Variants in LYPD6B observed in about 807,000 individuals in gnomAD.
LYPD6B encodes the protein ly6/PLAUR domain-containing protein 6B.
LYPD6B carries 17 observed loss-of-function variants against 22.8 expected under a neutral mutation model. That is an observed-to-expected ratio of 0.75 (90% CI 0.51 to 1.12). The LOEUF is 1.12. LYPD6B is among the 50% of genes most tolerant of loss of function. The probability of loss-of-function intolerance (pLI) is 0.00; values close to 1 mark genes in which losing one functional copy is unlikely to be tolerated. For synonymous variants in LYPD6B, 106 were observed against 91.6 expected (o/e 1.16, Z -0.90); for missense variants, 221 against 258.3 (o/e 0.86, Z 0.99).
intron 3 of LYPD6B, among the ~76,000 whole-genome samples, chr2:149,192,591 C>G (rs958152527): frequency 1.3e-5 from 2 of 152,056 alleles, no homozygotes; most frequent in East Asian, 3.9e-4. Flanking sequence ...CTTGGCACAG[C>G]TTGTAACCTC....
chr2:149,071,910 C>G (rs1466021822), intron 1 of LYPD6B, among the ~76,000 whole-genome samples: 1 of 152,054 alleles, frequency 6.6e-6, no homozygotes, highest in Non-Finnish European at 1.5e-5. Flanking sequence ...GGTAACATTC[C>G]TTTTCTCTCT....
chr2:149,131,345 A>G (rs1320779955), intron 2 of LYPD6B: 1 of 173,706 alleles, frequency 5.8e-6, no homozygotes. Flanking sequence ...ACTGAAGATA[A>G]GCAGCAATTT....
At chr2:149,175,126 A>G (rs1575118519) in intron 3 of LYPD6B, among the ~76,000 whole-genome samples, 1 of 150,614 alleles carries the variant, frequency 6.6e-6, no homozygotes, top group Admixed American at 6.6e-5. Context: ...ATTCTGATAA[A>G]TGCATCATTA....
intron 3 of LYPD6B, among the ~76,000 whole-genome samples, chr2:149,165,112 C>T (rs1690337923): frequency 6.6e-6 from 1 of 152,166 alleles, no homozygotes; most frequent in East Asian, 1.9e-4. Flanking sequence ...GCTGAGATGA[C>T]TCATTTCTGC....
intron 2 of LYPD6B, among the ~76,000 whole-genome samples, chr2:149,158,546 A>T (rs113329260): frequency 2.6e-3 from 393 of 152,308 alleles, no homozygotes; most frequent in African/African-American, 9.1e-3. Context: ...TAGCATTTAA[A>T]GGGTACAAAG....
chr2:149,097,760 A>G (rs1685973220), intron 1 of LYPD6B, among the ~76,000 whole-genome samples: 1 of 152,218 alleles, frequency 6.6e-6, no homozygotes, highest in South Asian at 2.1e-4. Flanking sequence ...GTAGGCAATA[A>G]AAAAATCTTA....
chr2:149,170,410 C>T (rs1293154293), intron 3 of LYPD6B, among the ~76,000 whole-genome samples: 1 of 152,172 alleles, frequency 6.6e-6, no homozygotes, highest in Non-Finnish European at 1.5e-5. Context: ...TGTCTTCTAT[C>T]ACGTCACTGT....
At chr2:149,178,080 C>T (rs1482603864) in intron 3 of LYPD6B, among the ~76,000 whole-genome samples, 1 of 151,742 alleles carries the variant, frequency 6.6e-6, no homozygotes, top group African/African-American at 2.4e-5. Flanking sequence ...TAAACAGTTC[C>T]TAATAGTTCT....
In LYPD6B at chr2:149,114,705, G is replaced by A. The variant is rs113376071; in HGVS notation, c.-66-16178G>A. Reference sequence around the variant, plus strand: ...AAGCCTTTCTGGCTTTCATTTTAACGTCAACCAGTCATTGCCAAGACTATG... The same window carrying A: ...AAGCCTTTCTGGCTTTCATTTTAACATCAACCAGTCATTGCCAAGACTATG... On this transcript the variant is annotated intron_variant, in intron 1 of 6. Coordinates refer to ENST00000409642, the MANE Select transcript of LYPD6B (RefSeq NM_177964.5). Among the ~76,000 whole-genome samples the A allele has an allele frequency of 3.4e-3, 517 of 152,246 alleles. 3 individuals are homozygous for A. The highest frequency in any genetic ancestry group is 0.012 in the African/African-American group (498 of 41,548).
chr2:149,060,114 T>C (rs533539107), intron 1 of LYPD6B, among the ~76,000 whole-genome samples: 1 of 152,248 alleles, frequency 6.6e-6, no homozygotes, highest in South Asian at 2.1e-4. Flanking sequence ...TTACTAGTGC[T>C]GGTCAGGTCA....
intron 1 of LYPD6B, among the ~76,000 whole-genome samples, chr2:149,092,170 G>T (rs1204271854): frequency 2.0e-5 from 3 of 152,066 alleles, no homozygotes; most frequent in Non-Finnish European, 2.9e-5. Context: ...AATGGGGATT[G>T]GTGGTTGTGA....
intron 2 of LYPD6B, among the ~76,000 whole-genome samples, chr2:149,149,363 T>G (rs541364195): frequency 6.6e-6 from 1 of 152,290 alleles, no homozygotes; most frequent in Non-Finnish European, 1.5e-5. Flanking sequence ...ATGCTATTTT[T>G]CTTTCATTCA....
intron 1 of LYPD6B, among the ~76,000 whole-genome samples, chr2:149,049,414 C>G (rs528811811): frequency 6.6e-6 from 1 of 152,324 alleles, no homozygotes; most frequent in South Asian, 2.1e-4. Flanking sequence ...AGTAGTTACT[C>G]TTACAATAAG....
chr2:149,115,575 T>A lies in LYPD6B; in HGVS notation c.-66-15308T>A, dbSNP rs528981069. On this transcript the variant is annotated intron_variant, in intron 1 of 6. Coordinates refer to ENST00000409642, the MANE Select transcript of LYPD6B (RefSeq NM_177964.5). Reference sequence around the variant, plus strand: ...TTTTGAGCCAGATCACTTAATTGCTTATGTGAGACCTGTTAGGACTCTCTT... The same window carrying A: ...TTTTGAGCCAGATCACTTAATTGCTAATGTGAGACCTGTTAGGACTCTCTT... Among the ~76,000 whole-genome samples, 4 of 152,302 alleles carry A rather than the reference T, an allele frequency of 2.6e-5. No homozygotes were observed. In the East Asian group the frequency reaches 7.7e-4, roughly 29 times the overall value.
chr2:149,149,432 A>ACG (rs1553490461), intron 2 of LYPD6B, among the ~76,000 whole-genome samples: 2 of 149,786 alleles, frequency 1.3e-5, no homozygotes, highest in Non-Finnish European at 3.0e-5. Context: ...ACACACACAC[A>ACG]CGCACACCCC....
At chr2:149,096,416 T>C (rs1294906539) in intron 1 of LYPD6B, among the ~76,000 whole-genome samples, 1 of 152,168 alleles carries the variant, frequency 6.6e-6, no homozygotes, top group East Asian at 1.9e-4. Flanking sequence ...TGTTGAATGT[T>C]AGTTATTGAA....
In LYPD6B at chr2:149,160,829, T is replaced by G; in HGVS notation, c.71T>G (p.Phe24Cys). The change falls in exon 3 of 7, where the codon TTC becomes TGC. Residue 24 changes from phenylalanine (F) to cysteine (C), a missense_variant. Physicochemically the swap from Phe to Cys is radical, Grantham distance 205. Coordinates refer to ENST00000409642, the MANE Select transcript of LYPD6B (RefSeq NM_177964.5). ...AGGAGCCTGACAACCACATTCTCCT[T>G]CTCAAGGTAAGAATGGCAGCTGTTA... is the stretch of plus-strand genomic sequence containing the variant. ...PERSLTTTFSFSRYKSSDRPA... is the reference protein window; with the variant it reads ...PERSLTTTFSCSRYKSSDRPA... The G allele has an allele frequency of 6.4e-7, 1 of 1,551,780 alleles. No individual in the cohort carries two copies. The highest frequency in any genetic ancestry group is 8.7e-7 in the Non-Finnish European group (1 of 1,146,376).
intron 2 of LYPD6B, among the ~76,000 whole-genome samples, chr2:149,156,297 C>T (rs1433396831): frequency 6.6e-6 from 1 of 152,182 alleles, no homozygotes; most frequent in African/African-American, 2.4e-5. Context: ...TTAGAGATTA[C>T]CCTGCTTGGG....
At chr2:149,176,334 T>C (rs913241708) in intron 3 of LYPD6B, among the ~76,000 whole-genome samples, 2 of 152,176 alleles carry the variant, frequency 1.3e-5, no homozygotes, top group African/African-American at 4.8e-5. Context: ...ATAATAAAGA[T>C]GGAGTTTTAT....
Sources: allele counts gnomAD v4.1 joint callset (sites outside exome capture counted in the v4.1 genomes callset), GRCh38; gene constraint gnomAD v4.1.1; transcripts MANE v1.5; gene names NCBI Gene and HGNC (gene_info 2026-07-23, HGNC 2026-07-21).